SOX12: variants seen among roughly 807,000 people sequenced by gnomAD.
SOX12 encodes the protein transcription factor SOX-12.
SOX12 carries 8 observed loss-of-function variants against 21.5 expected under a neutral mutation model. That is an observed-to-expected ratio of 0.37 (90% CI 0.22 to 0.67). SOX12 has a LOEUF of 0.67. SOX12 is among the 30% of genes least tolerant of loss of function. The probability of loss-of-function intolerance (pLI) is 0.56; values close to 1 mark genes in which losing one functional copy is unlikely to be tolerated. For synonymous variants in SOX12, 235 were observed against 224.2 expected (o/e 1.05, Z -0.43); for missense variants, 400 against 482.6 (o/e 0.83, Z 1.60).
In SOX12 at chr20:328,922, G is replaced by A. The variant is rs2013151242; in HGVS notation, c.*2050G>A. 6.0e-6 allele frequency: 1 copy of A among 167,128 alleles called. No homozygotes were observed. Among genetic ancestry groups the A allele is most frequent in the South Asian group, 2.1e-4 (1 of 4,834 alleles). The allele number at this position is 167,128 out of a possible 1,614,324, so 10.4% of individuals were successfully genotyped here. A position where few individuals can be genotyped will look rare whatever the true frequency, so the allele number is the denominator to read the frequency against. On this transcript the variant is annotated 3_prime_UTR_variant, in exon 1 of 1. Coordinates refer to ENST00000342665, the MANE Select transcript of SOX12 (RefSeq NM_006943.4). ...ACTCATCCCTGTAGGGACCAGGCAGGTAACATAGACGAGTGACTCTGGGTG... is the reference window on the plus strand; with the variant it reads ...ACTCATCCCTGTAGGGACCAGGCAGATAACATAGACGAGTGACTCTGGGTG...
chr20:327,385 C>T lies in SOX12; in HGVS notation c.*513C>T, dbSNP rs1037136209. 3.2e-5 allele frequency: 6 copies of T among 186,710 alleles called. No homozygotes were observed. Among genetic ancestry groups the T allele is most frequent in the Non-Finnish European group, 6.2e-5 (5 of 80,984 alleles). 11.6% of individuals were successfully genotyped at this position (186,710 alleles called of 1,614,324 possible). The stretch of plus-strand genomic sequence containing the variant: ...CGGAGCGCTAGGGCCCGCCCCTCCG[C>T]TGGGGCCCACCCCCTTCGTGCGCAT... On this transcript the variant is annotated 3_prime_UTR_variant, in exon 1 of 1. Coordinates refer to ENST00000342665, the MANE Select transcript of SOX12 (RefSeq NM_006943.4).
chr20:326,198 G>A lies in SOX12; in HGVS notation c.274G>A (p.Glu92Lys). The change falls in exon 1 of 1, where the codon GAG (glutamate) becomes AAG (lysine). Residue 92 changes from glutamate to lysine, a missense_variant. This residue lies in a region of SOX12 where 92 missense variants were observed against 162.0 expected (regional missense o/e 0.57). Transcript: ENST00000342665. The surrounding 1 kb of genome is among the most constrained non-coding windows in gnomAD (Gnocchi z 9.9). Reference sequence around the variant, plus strand: ...CTCGGAGAAGATCCCGTTCGTGCGGGAGGCGGAGCGGCTGCGGCTCAAGCA... The same window carrying A: ...CTCGGAGAAGATCCCGTTCGTGCGGAAGGCGGAGCGGCTGCGGCTCAAGCA... The part of the protein sequence containing the change: ...QDSEKIPFVR[E>K]AERLRLKHMA... 1 of 1,593,712 alleles carries A rather than the reference G, an allele frequency of 6.3e-7. No homozygotes were observed. Among genetic ancestry groups the A allele is most frequent in the Non-Finnish European group, 8.5e-7 (1 of 1,170,984 alleles).
Position 326,169 on chromosome 20 carries a change from A to G in SOX12, c.245A>G (p.Gln82Arg). 1.3e-6 allele frequency: 2 copies of G among 1,595,632 alleles called. No homozygotes were observed. The highest frequency in any genetic ancestry group is 1.7e-6 in the Non-Finnish European group (2 of 1,171,830). ...KRLGRRWQLL[Q>R]DSEKIPFVRE... ...CTGGGCCGCCGCTGGCAGCTGCTGC[A>G]GGACTCGGAGAAGATCCCGTTCGTG... Residue 82 changes from glutamine to arginine, a missense_variant, in exon 1 of 1, where the codon CAG (glutamine) becomes CGG (arginine). Physicochemically the swap from Gln to Arg is conservative, Grantham distance 43. Transcript: ENST00000342665. The surrounding 1 kb of genome is among the most constrained non-coding windows in gnomAD (Gnocchi z 9.9).
rs1247663194 is a variant in SOX12, at chr20:329,794, G to A, written c.*2922G>A. On this transcript the variant is annotated 3_prime_UTR_variant, in exon 1 of 1. Coordinates refer to ENST00000342665, the MANE Select transcript of SOX12 (RefSeq NM_006943.4). ...TTCCCAGTAGGAGCCAGGGCTGAGTGTGGAAATTACAGTGACTGCTTCTTC... is the reference window on the plus strand; with the variant it reads ...TTCCCAGTAGGAGCCAGGGCTGAGTATGGAAATTACAGTGACTGCTTCTTC... 6.0e-6 allele frequency: 1 copy of A among 167,116 alleles called. No homozygotes were observed. Among genetic ancestry groups the A allele is most frequent in the Non-Finnish European group, 1.5e-5 (1 of 68,152 alleles). 10.4% of individuals were successfully genotyped at this position (167,116 alleles called of 1,614,324 possible). A position where few individuals can be genotyped will look rare whatever the true frequency, so the allele number is the denominator to read the frequency against.
Position 329,952 on chromosome 20 carries a change from G to C in SOX12, c.*3080G>C, listed in dbSNP as rs926349476. 2 of 167,060 alleles carry C rather than the reference G, an allele frequency of 1.2e-5. No homozygotes were observed. Among genetic ancestry groups the C allele is most frequent in the African/African-American group, 4.8e-5 (2 of 41,430 alleles). The allele number at this position is 167,060 out of a possible 1,614,324, so 10.3% of individuals were successfully genotyped here. A position where few individuals can be genotyped will look rare whatever the true frequency, so the allele number is the denominator to read the frequency against. On this transcript the variant is annotated 3_prime_UTR_variant, in exon 1 of 1. Transcript: ENST00000342665. ...CCCCAGCTATGGGAAGTGCCATCAGGGTGGCCGCAGCTGCAGAGAGCCACT... is the reference window on the plus strand; with the variant it reads ...CCCCAGCTATGGGAAGTGCCATCAGCGTGGCCGCAGCTGCAGAGAGCCACT...
At position 326,717 on chromosome 20, in the gene SOX12, C is replaced by T. The variant is rs144343937; in HGVS notation, c.793C>T (p.Leu265=). 1.2e-4 allele frequency: 200 copies of T among 1,605,418 alleles called. No individual in the cohort carries two copies. The highest frequency in any genetic ancestry group is 1.5e-4 in the Non-Finnish European group (171 of 1,176,390). The stretch of plus-strand genomic sequence containing the variant: ...CAGGCTGCCCCCTGGCCCGGCCGGC[C>T]TGGACTGCAGCGCCCTGGATCGCGA... ...LSRLPPGPAG[L]DCSALDRDPD... Residue 265 remains leucine, a synonymous_variant, in exon 1 of 1, where the codon CTG becomes TTG. Transcript: ENST00000342665. This position sits in a 1 kb window ranked among gnomAD's most constrained non-coding sequence, Gnocchi z 9.9.
rs556205020 is a variant in SOX12 at position 326,274 on chromosome 20, G to T, written c.350G>T (p.Gly117Val). The T allele has an allele frequency of 1.3e-4, 199 of 1,485,244 alleles. No individual in the cohort carries two copies. In the African/African-American group the frequency reaches 2.6e-3, roughly 19 times the overall value. The allele number at this position is 1,485,244 out of a possible 1,614,324, so 92.0% of individuals were successfully genotyped here. ...TACCGGCCGCGCAAAAAGAGCAAGG[G>T]GGCGCCCGCCAAGGCGCGGCCCCGC... ...YKYRPRKKSKGAPAKARPRPP... is the reference protein window; with the variant it reads ...YKYRPRKKSKVAPAKARPRPP... The change falls in exon 1 of 1, where the codon GGG becomes GTG. Residue 117 changes from glycine to valine, a missense_variant. Gly to Val is a moderately radical substitution (Grantham distance 109). This residue lies in a region of SOX12 where 92 missense variants were observed against 162.0 expected (regional missense o/e 0.57). Transcript: ENST00000342665. This position sits in a 1 kb window ranked among gnomAD's most constrained non-coding sequence, Gnocchi z 9.9.
Position 326,065 on chromosome 20 carries a change from C to A in SOX12, c.141C>A (p.Phe47Leu). 1 of 1,600,988 alleles carries A rather than the reference C, an allele frequency of 6.2e-7. No individual in the cohort carries two copies. Among genetic ancestry groups the A allele is most frequent in the Non-Finnish European group, 8.5e-7 (1 of 1,174,576 alleles). Residue 47 changes from phenylalanine (F) to leucine (L), a missense_variant, in exon 1 of 1, where the codon TTC becomes TTA. Around this residue, in one of 4 missense-constraint regions of SOX12, gnomAD observed 92 missense variants for 162.0 expected, o/e 0.57. Transcript: ENST00000342665. The surrounding 1 kb of genome is among the most constrained non-coding windows in gnomAD (Gnocchi z 9.9). ...SGHIKRPMNAFMVWSQHERRK... is the reference protein window; with the variant it reads ...SGHIKRPMNALMVWSQHERRK... ...ACATCAAGAGGCCGATGAACGCATT[C>A]ATGGTGTGGTCGCAGCACGAACGGC...
In SOX12 at chr20:326,176, G is replaced by T; in HGVS notation, c.252G>T (p.Ser84=). 6.3e-7 allele frequency: 1 copy of T among 1,593,946 alleles called. No homozygotes were observed. The highest frequency in any genetic ancestry group is 2.3e-5 in the East Asian group (1 of 42,694). Residue 84 remains serine, a synonymous_variant, in exon 1 of 1, where the codon TCG becomes TCT. Coordinates refer to ENST00000342665, the MANE Select transcript of SOX12 (RefSeq NM_006943.4). The surrounding 1 kb of genome is among the most constrained non-coding windows in gnomAD (Gnocchi z 9.9). ...GCCGCTGGCAGCTGCTGCAGGACTC[G>T]GAGAAGATCCCGTTCGTGCGGGAGG... ...LGRRWQLLQD[S]EKIPFVREAE... is the part of the protein sequence containing the mutation.
In SOX12 at chr20:327,807, C is replaced by T. The variant is rs1212253644; in HGVS notation, c.*935C>T. ...CCAAGAAAACTAAAAACCAAGGCAC[C>T]TTACCAGTCTGTCTGGGGACAGGAT... On this transcript the variant is annotated 3_prime_UTR_variant, in exon 1 of 1. Coordinates refer to ENST00000342665, the MANE Select transcript of SOX12 (RefSeq NM_006943.4). 6.0e-6 allele frequency: 1 copy of T among 167,150 alleles called. No individual in the cohort carries two copies. The highest frequency in any genetic ancestry group is 1.5e-5 in the Non-Finnish European group (1 of 68,206). The allele number at this position is 167,150 out of a possible 1,614,324, so 10.4% of individuals were successfully genotyped here. A position where few individuals can be genotyped will look rare whatever the true frequency, so the allele number is the denominator to read the frequency against.
chr20:325,779 C>T lies in SOX12; in HGVS notation c.-146C>T, dbSNP rs996018757. The T allele has an allele frequency of 3.1e-5, 8 of 261,240 alleles. No homozygotes were observed. The highest frequency in any genetic ancestry group is 4.8e-5 in the Non-Finnish European group (8 of 166,560). The allele number at this position is 261,240 out of a possible 1,614,324, so 16.2% of individuals were successfully genotyped here. A position where few individuals can be genotyped will look rare whatever the true frequency, so the allele number is the denominator to read the frequency against. On this transcript the variant is annotated 5_prime_UTR_variant, in exon 1 of 1. Coordinates refer to ENST00000342665, the MANE Select transcript of SOX12 (RefSeq NM_006943.4). The surrounding 1 kb of genome is among the most constrained non-coding windows in gnomAD (Gnocchi z 5.0). Reference sequence around the variant, plus strand: ...CCGCCGTCCGTTGGGCCCGAGCGCCCAGCTCCTCGCTCCCCAGTTCGCGGG... The same window carrying T: ...CCGCCGTCCGTTGGGCCCGAGCGCCTAGCTCCTCGCTCCCCAGTTCGCGGG...
In SOX12 at chr20:327,633, C is replaced by T. The variant is rs2013125358; in HGVS notation, c.*761C>T. 1.2e-5 allele frequency: 2 copies of T among 167,156 alleles called. No individual in the cohort carries two copies. 10.4% of individuals were successfully genotyped at this position (167,156 alleles called of 1,614,324 possible). Reference sequence around the variant, plus strand: ...TCTCCCAAGTGGCATAGCCCCTTTTCCGGTATGGGGTCTCCTACACCCACG... The same window carrying T: ...TCTCCCAAGTGGCATAGCCCCTTTTTCGGTATGGGGTCTCCTACACCCACG... On this transcript the variant is annotated 3_prime_UTR_variant, in exon 1 of 1. Transcript: ENST00000342665.
chr20:327,245 CT>C lies in SOX12; in HGVS notation c.*374del. The C allele has an allele frequency of 4.0e-6, 1 of 247,104 alleles. No homozygotes were observed. Among genetic ancestry groups the C allele is most frequent in the Non-Finnish European group, 8.5e-6 (1 of 117,018 alleles). The allele number at this position is 247,104 out of a possible 1,614,324, so 15.3% of individuals were successfully genotyped here. On this transcript the variant is annotated 3_prime_UTR_variant, in exon 1 of 1. Transcript: ENST00000342665. ...CCCCTCCTTTGCTCCGGAATCTCTC[CT>C]CCCTCGCCCGGCCCGCCTTCTCTGG...
rs984091776 is a variant in SOX12 at position 328,857 on chromosome 20, C to T, written c.*1985C>T. On this transcript the variant is annotated 3_prime_UTR_variant, in exon 1 of 1. Transcript: ENST00000342665. ...GGCAAGCCACCTTGCCTGTCTAGGCCTCTATGTCAGGACTCCCTGGCCTTC... is the reference window on the plus strand; with the variant it reads ...GGCAAGCCACCTTGCCTGTCTAGGCTTCTATGTCAGGACTCCCTGGCCTTC... 6.0e-6 allele frequency: 1 copy of T among 167,180 alleles called. No homozygotes were observed. Among genetic ancestry groups the T allele is most frequent in the South Asian group, 2.1e-4 (1 of 4,834 alleles). 10.4% of individuals were successfully genotyped at this position (167,180 alleles called of 1,614,324 possible). A position where few individuals can be genotyped will look rare whatever the true frequency, so the allele number is the denominator to read the frequency against.
chr20:325,828 G>C lies in SOX12; in HGVS notation c.-97G>C. On this transcript the variant is annotated 5_prime_UTR_variant, in exon 1 of 1. Coordinates refer to ENST00000342665, the MANE Select transcript of SOX12 (RefSeq NM_006943.4). The surrounding 1 kb of genome is among the most constrained non-coding windows in gnomAD (Gnocchi z 5.0). ...GGGGCCGGGCCGAGCCGCGGGGCGGGGCCGCCCCTCCGTCGCCGCTGCCTC... is the reference window on the plus strand; with the variant it reads ...GGGGCCGGGCCGAGCCGCGGGGCGGCGCCGCCCCTCCGTCGCCGCTGCCTC... The C allele has an allele frequency of 1.6e-6, 1 of 608,372 alleles. No homozygotes were observed. Among genetic ancestry groups the C allele is most frequent in the Non-Finnish European group, 2.1e-6 (1 of 481,768 alleles). 37.7% of individuals were successfully genotyped at this position (608,372 alleles called of 1,614,324 possible). A position where few individuals can be genotyped will look rare whatever the true frequency, so the allele number is the denominator to read the frequency against.
rs769211510 is a variant in SOX12, at chr20:327,613, C to G, written c.*741C>G. 2.4e-5 allele frequency: 4 copies of G among 167,152 alleles called. No individual in the cohort carries two copies. Among genetic ancestry groups the G allele is most frequent in the African/African-American group, 7.2e-5 (3 of 41,464 alleles). 10.4% of individuals were successfully genotyped at this position (167,152 alleles called of 1,614,324 possible). A position where few individuals can be genotyped will look rare whatever the true frequency, so the allele number is the denominator to read the frequency against. On this transcript the variant is annotated 3_prime_UTR_variant, in exon 1 of 1. Coordinates refer to ENST00000342665, the MANE Select transcript of SOX12 (RefSeq NM_006943.4). ...GGTTGGTTTGGGCCTGAAACTCTCC[C>G]AAGTGGCATAGCCCCTTTTCCGGTA...
rs1022038145 is a variant in SOX12, at chr20:327,306, G to T, written c.*434G>T. The T allele has an allele frequency of 4.9e-6, 1 of 203,600 alleles. No homozygotes were observed. The highest frequency in any genetic ancestry group is 1.1e-5 in the Non-Finnish European group (1 of 91,028). The allele number at this position is 203,600 out of a possible 1,614,324, so 12.6% of individuals were successfully genotyped here. ...GCGATGCGGCCGGGTGGCAACGCAC[G>T]CGCCTCCTGCGCCCCTCCCTTCCCT... On this transcript the variant is annotated 3_prime_UTR_variant, in exon 1 of 1. Coordinates refer to ENST00000342665, the MANE Select transcript of SOX12 (RefSeq NM_006943.4).
chr20:326,431 C>G lies in SOX12; in HGVS notation c.507C>G (p.Asp169Glu), dbSNP rs1008682476. ...CGCCCGAGGACGACGATGAAGACGA[C>G]GACGAGGAGCTGCTGGAAGTGCGCC... ...AAAPEDDDED[D>E]DEELLEVRLV... is the part of the protein sequence containing the mutation. Residue 169 changes from aspartate (D) to glutamate (E), a missense_variant, in exon 1 of 1, where the codon GAC becomes GAG. Around this residue, in one of 4 missense-constraint regions of SOX12, gnomAD observed 235 missense variants for 219.3 expected, o/e 1.07. Coordinates refer to ENST00000342665, the MANE Select transcript of SOX12 (RefSeq NM_006943.4). The surrounding 1 kb of genome is among the most constrained non-coding windows in gnomAD (Gnocchi z 9.9). 2.2e-6 allele frequency: 3 copies of G among 1,359,886 alleles called. No homozygotes were observed. The highest frequency in any genetic ancestry group is 1.9e-6 in the Non-Finnish European group (2 of 1,063,378). The allele number at this position is 1,359,886 out of a possible 1,614,324, so 84.2% of individuals were successfully genotyped here. A position where few individuals can be genotyped will look rare whatever the true frequency, so the allele number is the denominator to read the frequency against.
rs1259458988 is a variant in SOX12, at chr20:329,152, AG to A, written c.*2285del. 1.2e-5 allele frequency: 2 copies of A among 167,088 alleles called. No individual in the cohort carries two copies. The highest frequency in any genetic ancestry group is 6.5e-5 in the Admixed American group (1 of 15,280). 10.4% of individuals were successfully genotyped at this position (167,088 alleles called of 1,614,324 possible). On this transcript the variant is annotated 3_prime_UTR_variant, in exon 1 of 1. Transcript: ENST00000342665. The stretch of plus-strand genomic sequence containing the variant: ...CAAGTATGCAGGCAGGTCTGGTCCG[AG>A]GGGGCTGGCTTGGCCATGCCTTTCT...
Sources: allele counts gnomAD v4.1 joint callset, GRCh38; gene constraint gnomAD v4.1.1; regional missense constraint gnomAD v4.1.1; non-coding constraint Gnocchi (gnomAD v3.1); transcripts MANE v1.5; gene names NCBI Gene and HGNC (gene_info 2026-07-23, HGNC 2026-07-21).